Variants in GRK1 observed in about 807,000 individuals in gnomAD.
GRK1 encodes the protein G protein-coupled receptor kinase 1.
In GRK1, 28 loss-of-function variants were observed where a neutral mutation model predicts 41.7. That is an observed-to-expected ratio of 0.67 (90% CI 0.50 to 0.92). The LOEUF (loss-of-function observed/expected upper bound fraction) is 0.92. Among genes scored for constraint, GRK1 ranks in the 40% least tolerant of loss-of-function variants. The pLI is 0.00. For missense variants in GRK1, 703 were observed against 671.2 expected, an observed-to-expected ratio of 1.05 and a Z score of -0.52; for synonymous variants, 327 against 286.7, an observed-to-expected ratio of 1.14 and a Z score of -1.42.
At position 113,729,206 on chromosome 13, in the gene GRK1, G is replaced by A. The variant is rs568001794; in HGVS notation, c.1070-2013G>A. On this transcript the variant is annotated intron_variant, in intron 4 of 6. Coordinates refer to ENST00000335678, the MANE Select transcript of GRK1 (RefSeq NM_002929.3). ...GAACCTAGAGTAGGGGTGTTTGTGA[G>A]TGTGAAAGCACTGAGCCTAGAGATC... 2.0e-5 allele frequency among the ~76,000 whole-genome samples: 3 copies of A among 152,344 alleles called. No individual in the cohort carries two copies. In the East Asian group the frequency reaches 5.8e-4, roughly 29 times the overall value.
chr13:113,672,414 TG>T (rs2049863706), intron 3 of GRK1, among the ~76,000 whole-genome samples: 1 of 47,758 alleles, frequency 2.1e-5, no homozygotes. Flanking sequence ...ATGTGGAATG[TG>T]GTGTGTTCGT....
upstream of GRK1, among the ~76,000 whole-genome samples, chr13:113,662,565 C>G (rs921921009): frequency 1.3e-5 from 2 of 152,158 alleles, no homozygotes; most frequent in Non-Finnish European, 2.9e-5. Context: ...GAATCCATAA[C>G]AAAACTCCTA....
chr13:113,653,373 A>C, the GRK1 span: 2 of 1,614,214 alleles, frequency 1.2e-6, no homozygotes, highest in Admixed American at 3.3e-5. Context: ...TTCTGTTATC[A>C]GAGACGTTGT....
intron 2 of GRK1, 79 bp downstream of exon 2, chr13:113,669,893 A>C (rs2140718301): frequency 6.4e-7 from 1 of 1,560,126 alleles, no homozygotes; most frequent in African/African-American, 1.4e-5. Context: ...GCTCCTTTCC[A>C]CAGGCAGAGC....
chr13:113,661,847 A>G, the GRK1 span, among the ~76,000 whole-genome samples: 2 of 152,224 alleles, frequency 1.3e-5, no homozygotes, highest in African/African-American at 2.4e-5. Flanking sequence ...AAAATCTCCC[A>G]ATAAAGAAAC....
At chr13:113,655,803 C>T in the GRK1 span, among the ~76,000 whole-genome samples, 30 of 152,212 alleles carry the variant, frequency 2.0e-4, no homozygotes, top group Admixed American at 2.0e-3. Context: ...CTTAGTGAGC[C>T]GTTCTCCAGT....
At chr13:113,652,873 C>T in the GRK1 span, 1 of 1,614,062 alleles carries the variant, frequency 6.2e-7, no homozygotes, top group African/African-American at 1.3e-5. Flanking sequence ...CAGTACTCAC[C>T]CTGTTCATTT....
intron 4 of GRK1, among the ~76,000 whole-genome samples, chr13:113,724,105 C>T (rs920642859): frequency 6.6e-6 from 1 of 152,162 alleles, no homozygotes. Flanking sequence ...CAGGGAGGCT[C>T]GCAGCACCTG....
Position 113,731,971 on chromosome 13 carries a change from CCT to C in GRK1, c.1194+629_1194+630del, listed in dbSNP as rs2049940374. On this transcript the variant is annotated intron_variant, in intron 5 of 6. Coordinates refer to ENST00000335678, the MANE Select transcript of GRK1 (RefSeq NM_002929.3). The surrounding 1 kb of genome is among the most constrained non-coding windows in gnomAD (Gnocchi z 5.6). Reference sequence around the variant, plus strand: ...CACCTAGTGGGGCTGCTGGGTCTCCCCTGAGTGCCCCCTGGGCTGCCCCGGAT... The same window carrying C: ...CACCTAGTGGGGCTGCTGGGTCTCCCGAGTGCCCCCTGGGCTGCCCCGGAT... Among the ~76,000 whole-genome samples the C allele has an allele frequency of 1.3e-5, 2 of 152,202 alleles. No homozygotes were observed. Among genetic ancestry groups the C allele is most frequent in the African/African-American group, 4.8e-5 (2 of 41,452 alleles).
At chr13:113,668,662 G>A (rs953991094) in intron 1 of GRK1, among the ~76,000 whole-genome samples, 3 of 152,356 alleles carry the variant, frequency 2.0e-5, no homozygotes, top group Non-Finnish European at 2.9e-5. Flanking sequence ...GCCCACTGGC[G>A]TCAGACTGTG....
At chr13:113,733,163 T>C in intron 6 of GRK1, 78 bp downstream of exon 6, 1 of 1,414,878 alleles carries the variant, frequency 7.1e-7, no homozygotes, top group Non-Finnish European at 9.4e-7. Context: ...CGGTCCAGCC[T>C]GTGAGAGTCG....
rs565501635 is a variant in GRK1 at position 113,668,599 on chromosome 13, G to C, written c.699+514G>C. 2.0e-5 allele frequency among the ~76,000 whole-genome samples: 3 copies of C among 152,332 alleles called. No individual in the cohort carries two copies. The South Asian group carries it at 6.2e-4, about 32-fold the overall frequency. Reference sequence around the variant, plus strand: ...CTGTTCCCCTGAGTGTGCTGTCCTCGGGGGTGGGAGTGAGCGACGGGCACG... The same window carrying C: ...CTGTTCCCCTGAGTGTGCTGTCCTCCGGGGTGGGAGTGAGCGACGGGCACG... On this transcript the variant is annotated intron_variant, in intron 1 of 6. Coordinates refer to ENST00000335678, the MANE Select transcript of GRK1 (RefSeq NM_002929.3).
chr13:113,652,177 C>T, the GRK1 span, among the ~76,000 whole-genome samples: 1 of 152,236 alleles, frequency 6.6e-6, no homozygotes, highest in Non-Finnish European at 1.5e-5. Flanking sequence ...CCCCAGCCAT[C>T]CCCTGCTGTG....
chr13:113,648,426 C>G, the GRK1 span, among the ~76,000 whole-genome samples: 1 of 152,200 alleles, frequency 6.6e-6, no homozygotes, highest in South Asian at 2.1e-4. Flanking sequence ...GAAATCAGGA[C>G]CCAGGCTGCA....
At chr13:113,649,607 A>C in the GRK1 span, 2 of 1,429,240 alleles carry the variant, frequency 1.4e-6, no homozygotes, top group Non-Finnish European at 1.8e-6. The surrounding 1 kb of genome is among the most constrained non-coding windows in gnomAD (Gnocchi z 4.7). Flanking sequence ...CTAAGCAAGG[A>C]AGTGTCAACA....
At chr13:113,654,936 A>T in the GRK1 span, 1 of 1,614,022 alleles carries the variant, frequency 6.2e-7, no homozygotes, top group Non-Finnish European at 8.5e-7. Flanking sequence ...GTACAGGCTG[A>T]TCCACACTGC....
chr13:113,652,124 C>T, the GRK1 span, among the ~76,000 whole-genome samples: 1 of 152,228 alleles, frequency 6.6e-6, no homozygotes, highest in Non-Finnish European at 1.5e-5. Flanking sequence ...CCCACCCGGG[C>T]CTTCAGCCCC....
chr13:113,667,821 C>T lies in GRK1; in HGVS notation c.435C>T (p.Leu145=), dbSNP rs1260622817. The T allele has an allele frequency of 6.9e-6, 11 of 1,596,928 alleles. No homozygotes were observed. The highest frequency in any genetic ancestry group is 1.3e-5 in the African/African-American group (1 of 74,498). The change falls in exon 1 of 7, where the codon CTC becomes CTT. Residue 145 remains leucine (L), a synonymous_variant. Coordinates refer to ENST00000335678, the MANE Select transcript of GRK1 (RefSeq NM_002929.3). The surrounding 1 kb of genome is among the most constrained non-coding windows in gnomAD (Gnocchi z 7.5). ...KEGPVEIQDG[L]FQPLLQATLA... is the part of the protein sequence containing the mutation. ...GGCCTGTGGAGATCCAGGACGGGCT[C>T]TTCCAGCCCCTGCTGCAGGCCACCC...
intron 4 of GRK1, among the ~76,000 whole-genome samples, chr13:113,728,076 C>T (rs1425982191): frequency 2.4e-5 from 2 of 81,794 alleles, no homozygotes; most frequent in African/African-American, 5.1e-5. Context: ...GCGATGAGGA[C>T]CCATGGCAAT....
Sources: gnomAD v4.1 joint callset for allele counts (sites outside exome capture counted in the v4.1 genomes callset) on GRCh38, gnomAD v4.1.1 for gene constraint, Gnocchi (gnomAD v3.1) non-coding constraint, MANE v1.5 for transcripts, NCBI Gene and HGNC (gene_info 2026-07-23, HGNC 2026-07-21) for gene names.